NCAM2: variants seen among roughly 807,000 people sequenced by gnomAD.
NCAM2 encodes the protein neural cell adhesion molecule 2, also known as N-CAM-2.
A neutral mutation model predicts 98.1 loss-of-function variants in NCAM2; 30 were observed. That is an observed-to-expected ratio of 0.31 (90% CI 0.23 to 0.41). The LOEUF is 0.41. Among genes scored for constraint, NCAM2 ranks in the 10% least tolerant of loss-of-function variants. NCAM2 has a pLI of 1.00. For synonymous variants in NCAM2, 368 were observed against 342.4 expected (o/e 1.07, Z -0.83); for missense variants, 867 against 1,005.8 (o/e 0.86, Z 1.87).
chr21:21,412,134 G>A (rs914278254), intron 10 of NCAM2, among the ~76,000 whole-genome samples: 23 of 152,194 alleles, frequency 1.5e-4, no homozygotes, highest in African/African-American at 4.8e-4. Flanking sequence ...GGAGGATAGA[G>A]GTTCAATATC....
chr21:21,110,305 G>A (rs1049561064), intron 1 of NCAM2, among the ~76,000 whole-genome samples: 1 of 152,088 alleles, frequency 6.6e-6, no homozygotes, highest in African/African-American at 2.4e-5. Flanking sequence ...ATATTTCAGG[G>A]CTTGGGAAAA....
chr21:21,116,473 A>G (rs985197322), intron 1 of NCAM2, among the ~76,000 whole-genome samples: 2 of 152,180 alleles, frequency 1.3e-5, no homozygotes, highest in African/African-American at 4.8e-5. Flanking sequence ...CCTTGATAGG[A>G]CGGCCTGTTT....
chr21:21,064,183 T>C (rs1361058729), intron 1 of NCAM2, among the ~76,000 whole-genome samples: 5 of 152,158 alleles, frequency 3.3e-5, no homozygotes, highest in African/African-American at 7.2e-5. Context: ...GCTGGAGATA[T>C]TGGTGGGGGC....
At chr21:21,073,421 T>C (rs2065614934) in intron 1 of NCAM2, among the ~76,000 whole-genome samples, 1 of 152,216 alleles carries the variant, frequency 6.6e-6, no homozygotes, top group South Asian at 2.1e-4. Context: ...ATCAAGTATT[T>C]TTTTCAGCAT....
At chr21:21,436,939 T>A (rs1388630255) in intron 12 of NCAM2, among the ~76,000 whole-genome samples, 1 of 149,210 alleles carries the variant, frequency 6.7e-6, no homozygotes, top group Admixed American at 6.7e-5. Flanking sequence ...TTTTTTTTTT[T>A]ATTTTTGTAT....
At chr21:21,453,591 T>C (rs1176591894) in intron 12 of NCAM2, among the ~76,000 whole-genome samples, 1 of 152,032 alleles carries the variant, frequency 6.6e-6, no homozygotes, top group Non-Finnish European at 1.5e-5. Flanking sequence ...AAGGGATCAT[T>C]TTGAGTAGGG....
At chr21:21,165,501 C>A (rs2067922063) in intron 1 of NCAM2, among the ~76,000 whole-genome samples, 2 of 152,094 alleles carry the variant, frequency 1.3e-5, no homozygotes, top group African/African-American at 2.4e-5. Flanking sequence ...TGGCCCAGGG[C>A]CTCAAGCATA....
chr21:21,507,131 A>G (rs1008570629), intron 15 of NCAM2, among the ~76,000 whole-genome samples: 1 of 152,054 alleles, frequency 6.6e-6, no homozygotes, highest in Non-Finnish European at 1.5e-5. Flanking sequence ...AAAATAATGT[A>G]GACATGACAC....
At chr21:21,145,963 A>T (rs1289835224) in intron 1 of NCAM2, among the ~76,000 whole-genome samples, 1 of 152,182 alleles carries the variant, frequency 6.6e-6, no homozygotes, top group Non-Finnish European at 1.5e-5. Flanking sequence ...TTCACAGAAG[A>T]GCTGGCACAT....
At chr21:21,285,331 C>T (rs1179870602) in intron 3 of NCAM2, among the ~76,000 whole-genome samples, 4 of 151,814 alleles carry the variant, frequency 2.6e-5, no homozygotes, top group Non-Finnish European at 2.9e-5. Flanking sequence ...AAAGTCGGAA[C>T]ATTCCTACAG....
chr21:21,125,118 G>T (rs2066761722), intron 1 of NCAM2, among the ~76,000 whole-genome samples: 1 of 151,832 alleles, frequency 6.6e-6, no homozygotes, highest in Non-Finnish European at 1.5e-5. Context: ...GCATATGATA[G>T]AAATACTATG....
chr21:21,478,148 G>A (rs548635559), intron 15 of NCAM2, among the ~76,000 whole-genome samples: 45 of 152,200 alleles, frequency 3.0e-4, no homozygotes, highest in Admixed American at 7.9e-4. Flanking sequence ...TGCTCTTGAA[G>A]TAAAGATGCA....
At chr21:21,518,120 A>G (rs903038497) in intron 16 of NCAM2, among the ~76,000 whole-genome samples, 4 of 152,212 alleles carry the variant, frequency 2.6e-5, no homozygotes, top group Non-Finnish European at 4.4e-5. Flanking sequence ...CCTGGCATTT[A>G]ATAATAATTT....
chr21:21,065,846 C>T (rs945660544), intron 1 of NCAM2, among the ~76,000 whole-genome samples: 1 of 152,050 alleles, frequency 6.6e-6, no homozygotes, highest in African/African-American at 2.4e-5. Context: ...GCAAATTAGA[C>T]AAGGGAGTGT....
intron 1 of NCAM2, among the ~76,000 whole-genome samples, chr21:21,270,847 T>C (rs943910999): frequency 5.9e-5 from 9 of 152,160 alleles, no homozygotes; most frequent in Admixed American, 1.3e-4. Context: ...CTGATGGGCC[T>C]GTAATGATTA....
intron 15 of NCAM2, among the ~76,000 whole-genome samples, chr21:21,504,041 G>T (rs1304804921): frequency 6.6e-6 from 1 of 151,742 alleles, no homozygotes; most frequent in Non-Finnish European, 1.5e-5. Flanking sequence ...AAAGGTATAT[G>T]GATATTGACA....
chr21:21,429,936 T>A (rs77931235), intron 11 of NCAM2, among the ~76,000 whole-genome samples: 2,737 of 152,302 alleles, frequency 0.018, 91 homozygotes, highest in African/African-American at 0.063. Flanking sequence ...GTACTATTTA[T>A]AAGGCATATT....
At chr21:21,381,346 T>C (rs2076150107) in intron 9 of NCAM2, among the ~76,000 whole-genome samples, 2 of 152,132 alleles carry the variant, frequency 1.3e-5, no homozygotes, top group Admixed American at 1.3e-4. Flanking sequence ...GCCATTGTTG[T>C]TACTATTTCA....
chr21:21,514,203 TA>T (rs1988570573), intron 16 of NCAM2, among the ~76,000 whole-genome samples: 1 of 151,526 alleles, frequency 6.6e-6, no homozygotes, highest in Non-Finnish European at 1.5e-5. Flanking sequence ...CCTCTTTTCT[TA>T]TTTTTTTAAC....
Sources: gnomAD v4.1 joint callset for allele counts (sites outside exome capture counted in the v4.1 genomes callset) on GRCh38, gnomAD v4.1.1 for gene constraint, MANE v1.5 for transcripts, NCBI Gene and HGNC (gene_info 2026-07-23, HGNC 2026-07-21) for gene names.